The following EPHA8 variants were observed in gnomAD, a reference collection of about 807,000 sequenced individuals.
EPHA8 encodes the protein ephrin type-A receptor 8.
Under a neutral mutation model 103.6 loss-of-function variants are expected in EPHA8, and 58 were observed. The ratio of observed to expected loss-of-function variants is 0.56; its 90% CI spans 0.45 to 0.70. EPHA8 has a LOEUF of 0.70. Ranked by LOEUF, EPHA8 falls within the 30% of genes least tolerant of loss-of-function variation. The pLI is 0.00. For missense variants in EPHA8, 1,304 were observed against 1,395.2 expected, an observed-to-expected ratio of 0.93 and a Z score of 1.04; for synonymous variants, 559 against 572.5, an observed-to-expected ratio of 0.98 and a Z score of 0.34.
At chr1:22,596,340 C>T (rs1049309451) in intron 9 of EPHA8, among the ~76,000 whole-genome samples, 167 bp downstream of exon 9, 6 of 152,194 alleles carry the variant, frequency 3.9e-5, no homozygotes, top group South Asian at 4.1e-4. Context: ...CAGAGGGCAG[C>T]GCCGTTCATG....
intron 5 of EPHA8, among the ~76,000 whole-genome samples, chr1:22,591,451 G>A (rs1641370317): frequency 1.3e-5 from 2 of 151,192 alleles, no homozygotes; most frequent in African/African-American, 2.4e-5. Context: ...AAACTCCTGG[G>A]CTCAAGTGAT....
Position 22,589,327 on chromosome 1 carries a change from G to A in EPHA8, c.1315+121G>A. The A allele has an allele frequency of 6.2e-7, 1 of 1,607,488 alleles. No homozygotes were observed. The highest frequency in any genetic ancestry group is 8.5e-7 in the Non-Finnish European group (1 of 1,177,724). Reference sequence around the variant, plus strand: ...TGGGCCTTTAGGCAAGTGCCTCTCTGGCCCTGCGCTCCTCACCAGGACCCA... The same window carrying A: ...TGGGCCTTTAGGCAAGTGCCTCTCTAGCCCTGCGCTCCTCACCAGGACCCA... On this transcript the variant is annotated intron_variant, in intron 5 of 16. Transcript: ENST00000166244. The surrounding 1 kb of genome is among the most constrained non-coding windows in gnomAD (Gnocchi z 4.3).
rs933611614 is a variant in EPHA8 at position 22,563,936 on chromosome 1, C to T, written c.94+207C>T. Among the ~76,000 whole-genome samples, 6 of 151,800 alleles carry T rather than the reference C, an allele frequency of 4.0e-5. No individual in the cohort carries two copies. The highest frequency in any genetic ancestry group is 7.4e-5 in the Non-Finnish European group (5 of 67,892). ...TGGGAACCCGCGAGCTTGAGGAAGA[C>T]GGACAGGTACCGGGGACTGGGGGAC... On this transcript the variant is annotated intron_variant, in intron 1 of 16. Transcript: ENST00000166244. The surrounding 1 kb of genome is among the most constrained non-coding windows in gnomAD (Gnocchi z 4.4).
intron 2 of EPHA8, among the ~76,000 whole-genome samples, chr1:22,574,981 C>T (rs753933570): frequency 7.9e-5 from 12 of 152,088 alleles, no homozygotes; most frequent in Non-Finnish European, 1.8e-4. Context: ...GAGGGAGTCT[C>T]GCTCTGTTGC....
In EPHA8 at chr1:22,589,424, A is replaced by G; in HGVS notation, c.1315+218A>G. Reference sequence around the variant, plus strand: ...TAAGTAAGAGAAATCCCAAAAGCTCAGAGGCAGGCTAGTGTGGCCGTCGAA... The same window carrying G: ...TAAGTAAGAGAAATCCCAAAAGCTCGGAGGCAGGCTAGTGTGGCCGTCGAA... On this transcript the variant is annotated intron_variant, in intron 5 of 16. Transcript: ENST00000166244. The surrounding 1 kb of genome is among the most constrained non-coding windows in gnomAD (Gnocchi z 4.3). 1 of 1,500,686 alleles carries G rather than the reference A, an allele frequency of 6.7e-7. No individual in the cohort carries two copies. Among genetic ancestry groups the G allele is most frequent in the Non-Finnish European group, 8.8e-7 (1 of 1,132,398 alleles). The allele number at this position is 1,500,686 out of a possible 1,614,324, so 93.0% of individuals were successfully genotyped here.
At chr1:22,578,985 ATGTGTGCATGTGTATATGCATG>A (rs1640931707) in intron 3 of EPHA8, among the ~76,000 whole-genome samples, 1 of 136,414 alleles carries the variant, frequency 7.3e-6, no homozygotes, top group African/African-American at 2.8e-5. Flanking sequence ...GTGTGAGTGT[ATGTGTGCATGTGTATATGCATG>A]TGTGTGCATA....
chr1:22,583,295 A>G (rs894952182), intron 3 of EPHA8, among the ~76,000 whole-genome samples: 5 of 152,206 alleles, frequency 3.3e-5, no homozygotes, highest in Non-Finnish European at 2.9e-5. Flanking sequence ...CCTGGTGATT[A>G]GTATTCTTAT....
chr1:22,583,415 G>A (rs546208904), intron 3 of EPHA8, among the ~76,000 whole-genome samples: 16 of 152,334 alleles, frequency 1.1e-4, no homozygotes, highest in South Asian at 2.1e-4. Flanking sequence ...CCACAGCGGC[G>A]CAGCCATCTC....
Position 22,593,572 on chromosome 1 carries a change from G to C in EPHA8, c.1489G>C (p.Ala497Pro). Reference protein sequence around the residue: ...YSTLKAVTTRATVSGLKPGTR... With the variant: ...YSTLKAVTTRPTVSGLKPGTR... ...CACCCTCAAGGCCGTCACCACCAGAGCCACCGTCTCCGGCCTCAAGCCGGG... is the reference window on the plus strand; with the variant it reads ...CACCCTCAAGGCCGTCACCACCAGACCCACCGTCTCCGGCCTCAAGCCGGG... Residue 497 changes from alanine (A) to proline (P), a missense_variant, in exon 7 of 17, where the codon GCC becomes CCC. By Grantham distance (27) the Ala-to-Pro change is conservative (BLOSUM62 -1). Coordinates refer to ENST00000166244, the MANE Select transcript of EPHA8 (RefSeq NM_020526.5). 1 of 1,612,412 alleles carries C rather than the reference G, an allele frequency of 6.2e-7. No individual in the cohort carries two copies. Among genetic ancestry groups the C allele is most frequent in the Non-Finnish European group, 8.5e-7 (1 of 1,179,750 alleles).
chr1:22,568,382 G>A (rs1002588103), intron 1 of EPHA8, among the ~76,000 whole-genome samples: 5 of 152,286 alleles, frequency 3.3e-5, no homozygotes, highest in Admixed American at 6.5e-5. Context: ...CTTCCCTGCC[G>A]TGGAGACTAC....
In EPHA8 at chr1:22,589,498, G is replaced by T; in HGVS notation, c.1315+292G>T. 6.9e-7 allele frequency: 1 copy of T among 1,444,380 alleles called. No individual in the cohort carries two copies. Among genetic ancestry groups the T allele is most frequent in the African/African-American group, 1.4e-5 (1 of 70,586 alleles). 89.5% of individuals were successfully genotyped at this position (1,444,380 alleles called of 1,614,324 possible). ...TCTCTGTGCCTCAGTTTCCTCCCTG[G>T]TGCAATGGGAATAATAGTACCTGCC... On this transcript the variant is annotated intron_variant, in intron 5 of 16. Transcript: ENST00000166244. This position sits in a 1 kb window ranked among gnomAD's most constrained non-coding sequence, Gnocchi z 4.3.
chr1:22,595,607 A>G (rs148748762), intron 8 of EPHA8, among the ~76,000 whole-genome samples: 116 of 152,314 alleles, frequency 7.6e-4, no homozygotes, highest in Admixed American at 1.6e-3. Flanking sequence ...ACTCAAGCCC[A>G]TACTCTCAGT....
intron 3 of EPHA8, among the ~76,000 whole-genome samples, chr1:22,583,329 C>T (rs887583371): frequency 5.9e-5 from 9 of 152,194 alleles, no homozygotes; most frequent in African/African-American, 1.9e-4. Flanking sequence ...ATTTTCATTG[C>T]GTGGATTAAT....
At chr1:22,581,910 G>A (rs916336316) in intron 3 of EPHA8, among the ~76,000 whole-genome samples, 3 of 152,198 alleles carry the variant, frequency 2.0e-5, no homozygotes, top group African/African-American at 7.2e-5. Flanking sequence ...CTTTGGCTGC[G>A]TAACCTCATT....
intron 3 of EPHA8, among the ~76,000 whole-genome samples, chr1:22,585,004 C>G (rs1303396761): frequency 6.8e-6 from 1 of 147,508 alleles, no homozygotes; most frequent in East Asian, 2.1e-4. Context: ...GCCGCAGGAG[C>G]AGGGCGGGGA....
At position 22,569,474 on chromosome 1, in the gene EPHA8, C is replaced by G. The variant is rs1640461907; in HGVS notation, c.159+121C>G. The stretch of plus-strand genomic sequence containing the variant: ...AGGCCCAGAGAGGTCAAGGGACTTA[C>G]CCAAGGGCACACAGCAGTTAGTGCT... On this transcript the variant is annotated intron_variant, in intron 2 of 16. Coordinates refer to ENST00000166244, the MANE Select transcript of EPHA8 (RefSeq NM_020526.5). This position sits in a 1 kb window ranked among gnomAD's most constrained non-coding sequence, Gnocchi z 4.5. 5.9e-6 allele frequency: 6 copies of G among 1,024,474 alleles called. No individual in the cohort carries two copies. The highest frequency in any genetic ancestry group is 5.0e-5 in the African/African-American group (3 of 60,460). 63.5% of individuals were successfully genotyped at this position (1,024,474 alleles called of 1,614,324 possible). A position where few individuals can be genotyped will look rare whatever the true frequency, so the allele number is the denominator to read the frequency against.
chr1:22,598,745 A>G lies in EPHA8; in HGVS notation c.2179-93A>G. ...TGGCAAATTGCAAAGCACCGTCTCA[A>G]CTCGAGAGCATCCTACAGATGGGAG... On this transcript the variant is annotated intron_variant, in intron 12 of 16. Coordinates refer to ENST00000166244, the MANE Select transcript of EPHA8 (RefSeq NM_020526.5). This position sits in a 1 kb window ranked among gnomAD's most constrained non-coding sequence, Gnocchi z 5.1. The G allele has an allele frequency of 7.5e-7, 1 of 1,328,570 alleles. No homozygotes were observed. Among genetic ancestry groups the G allele is most frequent in the Admixed American group, 1.9e-5 (1 of 51,944 alleles). 82.3% of individuals were successfully genotyped at this position (1,328,570 alleles called of 1,614,324 possible).
chr1:22,571,977 C>T (rs1640555116), intron 2 of EPHA8, among the ~76,000 whole-genome samples: 1 of 152,128 alleles, frequency 6.6e-6, no homozygotes, highest in South Asian at 2.1e-4. Flanking sequence ...GTCAAGGCTG[C>T]AGTGAGCCAC....
chr1:22,580,518 C>G (rs967668951), intron 3 of EPHA8, among the ~76,000 whole-genome samples: 1 of 152,148 alleles, frequency 6.6e-6, no homozygotes, highest in Admixed American at 6.5e-5. Context: ...CTCTAAACCC[C>G]AAAGCACCTT....
Sources: allele counts gnomAD v4.1 joint callset (sites outside exome capture counted in the v4.1 genomes callset), GRCh38; gene constraint gnomAD v4.1.1; non-coding constraint Gnocchi (gnomAD v3.1); transcripts MANE v1.5; gene names NCBI Gene and HGNC (gene_info 2026-07-23, HGNC 2026-07-21).